Variants in PUM2 observed in about 807,000 individuals in gnomAD.
The protein encoded by PUM2 is pumilio homolog 2.
Under a neutral mutation model 124.5 loss-of-function variants are expected in PUM2, and 57 were observed. The observed-to-expected ratio is 0.46, with a 90% CI of 0.37 to 0.57. PUM2 has a LOEUF of 0.57. Ranked by LOEUF, PUM2 falls within the 20% of genes least tolerant of loss-of-function variation. The pLI is 0.00. For missense variants in PUM2, 1,065 were observed against 1,290.6 expected (o/e 0.83, Z 2.68); for synonymous variants, 460 against 446.1 (o/e 1.03, Z -0.39).
intron 1 of PUM2, among the ~76,000 whole-genome samples, chr2:20,346,909 T>C (rs940664586): frequency 6.6e-6 from 1 of 152,198 alleles, no homozygotes; most frequent in East Asian, 1.9e-4. Context: ...AGGTGATGAC[T>C]ACCTTTTTTT....
At chr2:20,271,015 A>G (rs1344802199) in intron 13 of PUM2, among the ~76,000 whole-genome samples, 1 of 152,186 alleles carries the variant, frequency 6.6e-6, no homozygotes, top group Non-Finnish European at 1.5e-5. Flanking sequence ...AGACAAGAAC[A>G]TTACAATCAT....
At position 20,326,768 on chromosome 2, in the gene PUM2, T is replaced by C. The variant is rs189053921; in HGVS notation, c.51+542A>G. On this transcript the variant is annotated intron_variant, in intron 2 of 20. Transcript: ENST00000361078. ...TAATAATTTACAGGGGAGACAAGTG[T>C]AAAACAAACTAACCAGCAATATAAT... Among the ~76,000 whole-genome samples the C allele has an allele frequency of 2.7e-3, 408 of 152,274 alleles. 3 individuals carry two copies. The highest frequency in any genetic ancestry group is 9.2e-3 in the African/African-American group (382 of 41,552).
At chr2:20,310,860 C>T (rs553588046) in intron 5 of PUM2, among the ~76,000 whole-genome samples, 63 of 152,040 alleles carry the variant, frequency 4.1e-4, no homozygotes, top group African/African-American at 1.4e-3. Context: ...TATATACTGT[C>T]TAATCTAAGA....
intron 1 of PUM2, among the ~76,000 whole-genome samples, chr2:20,332,217 AAT>A (rs958375862): frequency 2.2e-4 from 33 of 151,672 alleles, no homozygotes; most frequent in African/African-American, 7.0e-4. Flanking sequence ...TCCACTTCCA[AAT>A]ATGAGTATAC....
chr2:20,326,290 C>T, intron 2 of PUM2: 10 of 1,303,974 alleles, frequency 7.7e-6, no homozygotes, highest in Non-Finnish European at 1.0e-5. Context: ...AAATGACATA[C>T]TCTTTGGAAA....
chr2:20,306,278 C>T (rs1372248029), intron 7 of PUM2, among the ~76,000 whole-genome samples: 1 of 152,050 alleles, frequency 6.6e-6, no homozygotes, highest in Non-Finnish European at 1.5e-5. Flanking sequence ...TCAAATTTCC[C>T]TAAGTAAATT....
Position 20,323,908 on chromosome 2 carries a change from CAAAAAAAAA to C in PUM2, c.51+3393_51+3401del, listed in dbSNP as rs397984008. 1.8e-3 allele frequency among the ~76,000 whole-genome samples: 103 copies of C among 58,444 alleles called. 1 individual carries two copies. The highest frequency in any genetic ancestry group is 4.3e-3 in the South Asian group (5 of 1,152). 38.3% of individuals were successfully genotyped at this position (58,444 alleles called of 152,430 possible). On this transcript the variant is annotated intron_variant, in intron 2 of 20. Coordinates refer to ENST00000361078, the MANE Select transcript of PUM2 (RefSeq NM_015317.5). Reference sequence around the variant, plus strand: ...GTATTATTCTAGAGATACGGACTAGCAAAAAAAAAAAAAAAAAAAAAAAAAAAAAATCCA... The same window carrying C: ...GTATTATTCTAGAGATACGGACTAGCAAAAAAAAAAAAAAAAAAAAATCCA...
At position 20,311,501 on chromosome 2, in the gene PUM2, C is replaced by A. The variant is rs1001461361; in HGVS notation, c.511G>T (p.Asp171Tyr). The A allele has an allele frequency of 7.5e-6, 12 of 1,605,608 alleles. No homozygotes were observed. The highest frequency in any genetic ancestry group is 1.0e-5 in the Non-Finnish European group (12 of 1,177,020). The change falls in exon 5 of 21, where the codon GAT becomes TAT. Residue 171 changes from aspartate (D) to tyrosine (Y), a missense_variant. By Grantham distance (160) the Asp-to-Tyr change is radical. This residue lies in a region of PUM2 where 968 missense variants were observed against 1,159.8 expected (regional missense o/e 0.83). Transcript: ENST00000361078. The part of the protein sequence containing the change: ...LPNGMDADCK[D>Y]FNRTPGSRQA... ...AGAAAGTTAAAATCTTACTTAAAAT[C>A]TTTGCAATCGGCATCCATTCCATTT...
At chr2:20,281,211 G>A (rs559424509) in intron 12 of PUM2, among the ~76,000 whole-genome samples, 11 of 152,232 alleles carry the variant, frequency 7.2e-5, no homozygotes, top group African/African-American at 1.7e-4. Context: ...TCTAAAGCAA[G>A]GTAAAATGAA....
intron 10 of PUM2, among the ~76,000 whole-genome samples, chr2:20,289,300 G>T (rs1673459867): frequency 1.3e-5 from 2 of 152,000 alleles, no homozygotes; most frequent in Non-Finnish European, 2.9e-5. Context: ...TAGTTAAGCA[G>T]GAAAAATTGT....
rs181800337 is a variant in PUM2 at position 20,335,518 on chromosome 2, G to C, written c.-18-8140C>G. 1.4e-3 allele frequency among the ~76,000 whole-genome samples: 212 copies of C among 152,276 alleles called. 2 individuals are homozygous for C. The highest frequency in any genetic ancestry group is 5.0e-3 in the African/African-American group (206 of 41,548). On this transcript the variant is annotated intron_variant, in intron 1 of 20. Coordinates refer to ENST00000361078, the MANE Select transcript of PUM2 (RefSeq NM_015317.5). The stretch of plus-strand genomic sequence containing the variant: ...TCTTATTTTTCTGAGGGCATAAATT[G>C]AATCATACAGTTTTTCAGTGACGAA...
chr2:20,346,151 T>C (rs1688203775), intron 1 of PUM2, among the ~76,000 whole-genome samples: 1 of 152,178 alleles, frequency 6.6e-6, no homozygotes, highest in African/African-American at 2.4e-5. Context: ...AGAAAACACC[T>C]ATAGGCAAAA....
rs367960155 is a variant in PUM2 at position 20,253,954 on chromosome 2, G to C, written c.2931C>G (p.Asp977Glu). The change falls in exon 20 of 21, where the codon GAC becomes GAG. Residue 977 changes from aspartate (D) to glutamate (E), a missense_variant. Coordinates refer to ENST00000361078, the MANE Select transcript of PUM2 (RefSeq NM_015317.5). ...GACCATCATTCTGGCAGCAAACCTC[G>C]TCAATCAGTAAAGCTCTCTCAGCAC... Reference protein sequence around the residue: ...ASRAERALLIDEVCCQNDGPH... With the variant: ...ASRAERALLIEEVCCQNDGPH... 2 of 1,613,922 alleles carry C rather than the reference G, an allele frequency of 1.2e-6. No homozygotes were observed. The highest frequency in any genetic ancestry group is 1.7e-5 in the Admixed American group (1 of 59,988).
Position 20,297,594 on chromosome 2 carries a change from G to T in PUM2, c.968C>A (p.Pro323Gln). 6.2e-7 allele frequency: 1 copy of T among 1,613,138 alleles called. No individual in the cohort carries two copies. Among genetic ancestry groups the T allele is most frequent in the Non-Finnish European group, 8.5e-7 (1 of 1,179,320 alleles). The part of the protein sequence containing the change: ...IISAAPPGTD[P>Q]YTAAGLAAAA... ...TGCAGCCAATCCTGCTGCAGTATAC[G>T]GATCGGTCCCTGGAGGAGCAGCACT... Residue 323 changes from proline (P) to glutamine (Q), a missense_variant, in exon 8 of 21, where the codon CCG becomes CAG. Pro to Gln is a moderately conservative substitution (Grantham distance 76, BLOSUM62 -1). Coordinates refer to ENST00000361078, the MANE Select transcript of PUM2 (RefSeq NM_015317.5).
intron 1 of PUM2, among the ~76,000 whole-genome samples, chr2:20,328,631 GA>G (rs1326383669): frequency 1.3e-5 from 2 of 151,794 alleles, no homozygotes; most frequent in Admixed American, 1.3e-4. Context: ...AGCAGAGAAA[GA>G]AAAACTACAA....
At chr2:20,252,118 C>T (rs941992184) in intron 20 of PUM2, among the ~76,000 whole-genome samples, 16 of 152,112 alleles carry the variant, frequency 1.1e-4, no homozygotes, top group Admixed American at 5.9e-4. Context: ...AAATAACTAA[C>T]GCAGCTGTTA....
intron 1 of PUM2, among the ~76,000 whole-genome samples, chr2:20,339,500 A>T (rs1023175712): frequency 4.6e-5 from 7 of 152,248 alleles, no homozygotes; most frequent in African/African-American, 1.7e-4. Context: ...AAATATCTTT[A>T]GCCTTACTTT....
At chr2:20,289,187 T>C (rs1673427810) in intron 10 of PUM2, among the ~76,000 whole-genome samples, 1 of 151,554 alleles carries the variant, frequency 6.6e-6, no homozygotes, top group Non-Finnish European at 1.5e-5. Context: ...AAATGAGTAA[T>C]AGGGCCAGCA....
At chr2:20,344,899 C>T (rs980560960) in intron 1 of PUM2, among the ~76,000 whole-genome samples, 4 of 140,440 alleles carry the variant, frequency 2.8e-5, no homozygotes, top group Admixed American at 2.3e-4. Flanking sequence ...AGGAGAAGGG[C>T]GTGAACCCGG....
Sources: allele counts gnomAD v4.1 joint callset (sites outside exome capture counted in the v4.1 genomes callset), GRCh38; gene constraint gnomAD v4.1.1; regional missense constraint gnomAD v4.1.1; transcripts MANE v1.5; gene names NCBI Gene and HGNC (gene_info 2026-07-23, HGNC 2026-07-21).